Variants in ERBB4 observed in about 807,000 individuals in gnomAD.
The protein encoded by ERBB4 is erb-b2 receptor tyrosine kinase 4, also known as receptor tyrosine-protein kinase erbB-4.
ERBB4 carries 42 observed loss-of-function variants against 158.0 expected under a neutral mutation model. That is an observed-to-expected ratio of 0.27 (90% CI 0.21 to 0.34). The LOEUF (loss-of-function observed/expected upper bound fraction) is 0.34. ERBB4 is among the 10% of genes least tolerant of loss of function. The pLI is 1.00. For missense variants in ERBB4, 1,333 were observed against 1,624.1 expected, an observed-to-expected ratio of 0.82 and a Z score of 3.08; for synonymous variants, 583 against 558.7, an observed-to-expected ratio of 1.04 and a Z score of -0.61.
intron 3 of ERBB4, among the ~76,000 whole-genome samples, chr2:211,795,313 T>C (rs2076360797): frequency 1.3e-5 from 2 of 151,828 alleles, no homozygotes; most frequent in South Asian, 4.1e-4. Context: ...TGTCCACCTT[T>C]ATGAAGCTGA....
intron 1 of ERBB4, among the ~76,000 whole-genome samples, chr2:212,338,264 T>C (rs1451302693): frequency 1.3e-5 from 2 of 152,078 alleles, no homozygotes; most frequent in Non-Finnish European, 2.9e-5. Context: ...CATGATACTC[T>C]TAGTGTCTGG....
At chr2:211,913,761 A>T (rs1355027978) in intron 3 of ERBB4, among the ~76,000 whole-genome samples, 1 of 151,542 alleles carries the variant, frequency 6.6e-6, no homozygotes. Context: ...TTATTTGAAA[A>T]ATGAAAGAAC....
intron 16 of ERBB4, among the ~76,000 whole-genome samples, chr2:211,645,851 TATGA>T (rs2070766215): frequency 6.6e-6 from 1 of 151,868 alleles, no homozygotes; most frequent in African/African-American, 2.4e-5. Flanking sequence ...AATTCACATA[TATGA>T]ATAAGAAACT....
chr2:212,034,568 A>C (rs1331254811), intron 2 of ERBB4, among the ~76,000 whole-genome samples: 1 of 152,132 alleles, frequency 6.6e-6, no homozygotes, highest in Non-Finnish European at 1.5e-5. Flanking sequence ...CTAAGTGATC[A>C]AAATTATAGT....
At chr2:211,577,799 A>C (rs2067936666) in intron 19 of ERBB4, among the ~76,000 whole-genome samples, 1 of 152,224 alleles carries the variant, frequency 6.6e-6, no homozygotes, top group Non-Finnish European at 1.5e-5. Context: ...CTAGGTATTA[A>C]AGGAACATAT....
rs57384102 is a variant in ERBB4, at chr2:211,905,353, G to A, written c.421+42077C>T. Among the ~76,000 whole-genome samples the A allele has an allele frequency of 9.4e-3, 1,430 of 151,788 alleles. 22 individuals are homozygous for A. Among genetic ancestry groups the A allele is most frequent in the African/African-American group, 0.032 (1,324 of 41,398 alleles). On this transcript the variant is annotated intron_variant, in intron 3 of 27. Coordinates refer to ENST00000342788, the MANE Select transcript of ERBB4 (RefSeq NM_005235.3). ...TTAAGGACCCTCAGGATTACACTGG[G>A]ACCACCCAGATGATGCAGGATAACC...
At chr2:212,308,030 T>G (rs982211130) in intron 1 of ERBB4, among the ~76,000 whole-genome samples, 12 of 150,938 alleles carry the variant, frequency 8.0e-5, no homozygotes, top group Non-Finnish European at 1.3e-4. Flanking sequence ...ATTTTCTATC[T>G]CTACCTTAAT....
chr2:212,226,412 G>GC (rs977134010), intron 1 of ERBB4, among the ~76,000 whole-genome samples: 3 of 151,486 alleles, frequency 2.0e-5, no homozygotes, highest in South Asian at 4.2e-4. Flanking sequence ...TAAAGACATG[G>GC]GGGGGGGTTT....
chr2:212,346,538 A>G (rs2089009833), intron 1 of ERBB4, among the ~76,000 whole-genome samples: 1 of 152,102 alleles, frequency 6.6e-6, no homozygotes, highest in African/African-American at 2.4e-5. Context: ...AATGTTTTAA[A>G]TGTTTTAATG....
At chr2:211,629,661 G>A (rs1413730065) in intron 17 of ERBB4, among the ~76,000 whole-genome samples, 2 of 152,042 alleles carry the variant, frequency 1.3e-5, no homozygotes, top group Non-Finnish European at 2.9e-5. Flanking sequence ...ACAAGGCTGC[G>A]GTAACCCAAA....
At chr2:212,181,337 T>C (rs939112974) in intron 1 of ERBB4, among the ~76,000 whole-genome samples, 4 of 151,734 alleles carry the variant, frequency 2.6e-5, no homozygotes, top group African/African-American at 9.7e-5. Flanking sequence ...ATATGTGGTA[T>C]ATAAGATACA....
chr2:211,800,016 C>T (rs1056238178), intron 3 of ERBB4, among the ~76,000 whole-genome samples: 4 of 152,162 alleles, frequency 2.6e-5, no homozygotes, highest in African/African-American at 9.7e-5. Context: ...CATTATGCTT[C>T]TGGACACCCA....
At chr2:211,574,960 C>A (rs534899247) in intron 19 of ERBB4, among the ~76,000 whole-genome samples, 2 of 152,156 alleles carry the variant, frequency 1.3e-5, no homozygotes, top group African/African-American at 2.4e-5. Context: ...TTGATTTACA[C>A]CTGAACTCAC....
intron 1 of ERBB4, among the ~76,000 whole-genome samples, chr2:212,238,043 C>G (rs2083944047): frequency 6.6e-6 from 1 of 152,202 alleles, no homozygotes; most frequent in South Asian, 2.1e-4. Flanking sequence ...CTGAGCTAGA[C>G]CACTTAACTC....
chr2:211,661,668 C>A (rs1300881758), intron 15 of ERBB4, among the ~76,000 whole-genome samples: 3 of 152,106 alleles, frequency 2.0e-5, no homozygotes, highest in African/African-American at 4.8e-5. Context: ...CTTCCACAAG[C>A]AGCCCTTCTT....
chr2:212,354,418 G>A (rs2106347784), intron 1 of ERBB4, among the ~76,000 whole-genome samples: 1 of 152,168 alleles, frequency 6.6e-6, no homozygotes, highest in South Asian at 2.1e-4. Flanking sequence ...GGTAGCAAAT[G>A]TAAATTTCTA....
At chr2:211,521,898 A>G (rs1338598952) in intron 20 of ERBB4, among the ~76,000 whole-genome samples, 1 of 152,164 alleles carries the variant, frequency 6.6e-6, no homozygotes, top group Non-Finnish European at 1.5e-5. Flanking sequence ...GCCCACTGTT[A>G]AGATCTACTG....
chr2:212,446,444 A>G (rs1478693410), intron 1 of ERBB4, among the ~76,000 whole-genome samples: 1 of 150,298 alleles, frequency 6.7e-6, no homozygotes, highest in Non-Finnish European at 1.5e-5. Context: ...CCTGAGTTGG[A>G]TGCTTTCTGC....
At chr2:212,005,534 G>A (rs1248799291) in intron 2 of ERBB4, among the ~76,000 whole-genome samples, 3 of 152,148 alleles carry the variant, frequency 2.0e-5, no homozygotes, top group East Asian at 1.9e-4. Flanking sequence ...TCTGGAGGAG[G>A]TGATAACAAA....
Sources: allele counts gnomAD v4.1 joint callset (sites outside exome capture counted in the v4.1 genomes callset), GRCh38; gene constraint gnomAD v4.1.1; transcripts MANE v1.5; gene names NCBI Gene and HGNC (gene_info 2026-07-23, HGNC 2026-07-21).